BCAR1: variants seen among roughly 807,000 people sequenced by gnomAD.
The protein encoded by BCAR1 is breast cancer anti-estrogen resistance protein 1.
In BCAR1, 30 loss-of-function variants were observed where a neutral mutation model predicts 67.6. That is an observed-to-expected ratio of 0.44 (90% CI 0.33 to 0.60). The LOEUF is 0.60. Ranked by LOEUF, BCAR1 falls within the 20% of genes least tolerant of loss-of-function variation. The pLI is 0.02. For missense variants in BCAR1, 1,313 were observed against 1,222.3 expected, an observed-to-expected ratio of 1.07 and a Z score of -1.11; for synonymous variants, 626 against 556.7, an observed-to-expected ratio of 1.12 and a Z score of -1.75.
intron 1 of BCAR1, among the ~76,000 whole-genome samples, chr16:75,245,727 G>A (rs1439077523): frequency 1.3e-5 from 2 of 152,254 alleles, no homozygotes; most frequent in East Asian, 3.9e-4. Context: ...GTGTGCCCCC[G>A]CCCAGCCTGA....
chr16:75,248,544 C>A (rs2077589155), intron 1 of BCAR1: 1 of 199,828 alleles, frequency 5.0e-6, no homozygotes. Context: ...TTCCCTCCCC[C>A]ATGTCCCCAT....
In BCAR1 at chr16:75,229,526, C is replaced by A; in HGVS notation, c.2598G>T (p.Gln866His). The part of the protein sequence containing the change: ...STQQFRRVLG[Q>H]LAAA Reference sequence around the variant, plus strand: ...GTCACCACCCTCAGGCGGCTGCCAGCTGGCCTAGGACGCGGCGGAACTGCT... The same window carrying A: ...GTCACCACCCTCAGGCGGCTGCCAGATGGCCTAGGACGCGGCGGAACTGCT... The change falls in exon 7 of 7, where the codon CAG becomes CAT. Residue 866 changes from glutamine (Q) to histidine (H), a missense_variant. By Grantham distance (24) the Gln-to-His change is conservative (BLOSUM62 0). Coordinates refer to ENST00000162330, the MANE Select transcript of BCAR1 (RefSeq NM_014567.5). 2 of 1,581,034 alleles carry A rather than the reference C, an allele frequency of 1.3e-6. No homozygotes were observed. Among genetic ancestry groups the A allele is most frequent in the South Asian group, 1.1e-5 (1 of 88,122 alleles).
At chr16:75,237,919 C>T (rs1435538408) in intron 2 of BCAR1, among the ~76,000 whole-genome samples, 1 of 152,174 alleles carries the variant, frequency 6.6e-6, no homozygotes, top group Non-Finnish European at 1.5e-5. Context: ...GCCAGAGGGG[C>T]AGGTTGGGTG....
At chr16:75,264,178 G>A (rs1597292670) in intron 1 of BCAR1, 10 of 1,328,166 alleles carry the variant, frequency 7.5e-6, no homozygotes, top group Non-Finnish European at 9.6e-6. Context: ...AAAGAAGGCT[G>A]CCCAAAGTCC....
At chr16:75,264,274 G>A in intron 1 of BCAR1, 1 of 1,372,634 alleles carries the variant, frequency 7.3e-7, no homozygotes, top group Non-Finnish European at 9.4e-7. Context: ...AATCAAACGG[G>A]GACCTCCCCA....
chr16:75,242,232 C>T (rs1419177930), intron 2 of BCAR1, among the ~76,000 whole-genome samples: 1 of 152,256 alleles, frequency 6.6e-6, no homozygotes, highest in Non-Finnish European at 1.5e-5. Context: ...GGTGACACCA[C>T]CACTCGGGTC....
intron 1 of BCAR1, chr16:75,264,047 TAGG>T: frequency 8.1e-7 from 1 of 1,232,400 alleles, no homozygotes; most frequent in Non-Finnish European, 1.0e-6. Flanking sequence ...AGGGAGAGGG[TAGG>T]AGATGACTCA....
intron 6 of BCAR1, among the ~76,000 whole-genome samples, chr16:75,232,835 G>A (rs558331447): frequency 3.9e-5 from 6 of 152,282 alleles, no homozygotes; most frequent in South Asian, 2.1e-4. Context: ...GCTGTGTGTC[G>A]TGGGTCTCAG....
chr16:75,237,279 C>G lies in BCAR1; in HGVS notation c.699G>C (p.Glu233Asp), dbSNP rs771415463. 2.0e-6 allele frequency: 3 copies of G among 1,519,760 alleles called. No homozygotes were observed. The highest frequency in any genetic ancestry group is 2.4e-5 in the Admixed American group (1 of 42,506). 94.1% of individuals were successfully genotyped at this position (1,519,760 alleles called of 1,614,324 possible). ...CCAGCAGGTGTCGCGGGATGTCGTA[C>G]TCGTCCTGCTCCGGCTGGGCGGCCT... ...VYEAAQPEQD[E>D]YDIPRHLLAP... The change falls in exon 3 of 7, where the codon GAG (glutamate) becomes GAC (aspartate). Residue 233 changes from glutamate (E) to aspartate (D), a missense_variant. Glu to Asp is a conservative substitution (Grantham distance 45). Transcript: ENST00000162330.
rs1033740723 is a variant in BCAR1, at chr16:75,251,572, AGCCGCCCCGGTGCCGCCGCGCAGCT to A, written c.-115_-91del. On this transcript the variant is annotated 5_prime_UTR_variant, in exon 1 of 7. Transcript: ENST00000162330. ...GCCCTCGGGGCTCCGAGCGCGCCGC[AGCCGCCCCGGTGCCGCCGCGCAGCT>A]GCCGCCTCGGCCACCCAGAGCCGGT... 1.8e-6 allele frequency: 2 copies of A among 1,090,896 alleles called. No homozygotes were observed. The highest frequency in any genetic ancestry group is 3.4e-5 in the African/African-American group (2 of 59,354). 67.6% of individuals were successfully genotyped at this position (1,090,896 alleles called of 1,614,324 possible). A position where few individuals can be genotyped will look rare whatever the true frequency, so the allele number is the denominator to read the frequency against.
At position 75,236,951 on chromosome 16, in the gene BCAR1, G is replaced by T. The variant is rs2077161016; in HGVS notation, c.843C>A (p.Asp281Glu). ...GCACGTCATACACCTCCAGCAACGGGTCTCGGCCATTGGGACCCTTGACAG... is the reference window on the plus strand; with the variant it reads ...GCACGTCATACACCTCCAGCAACGGTTCTCGGCCATTGGGACCCTTGACAG... Reference protein sequence around the residue: ...PMAVKGPNGRDPLLEVYDVPP... With the variant: ...PMAVKGPNGREPLLEVYDVPP... Residue 281 changes from aspartate to glutamate, a missense_variant, in exon 4 of 7, where the codon GAC becomes GAA. Transcript: ENST00000162330. The T allele has an allele frequency of 6.2e-7, 1 of 1,611,968 alleles. No individual in the cohort carries two copies.
At chr16:75,238,645 T>C (rs904820254) in intron 2 of BCAR1, 340 of 986,092 alleles carry the variant, frequency 3.4e-4, no homozygotes, top group Non-Finnish European at 3.9e-4. Flanking sequence ...GCACGCCTGG[T>C]AGCAGAGTCC....
chr16:75,240,217 G>T (rs2077291298), intron 2 of BCAR1, among the ~76,000 whole-genome samples: 2 of 152,164 alleles, frequency 1.3e-5, no homozygotes, highest in African/African-American at 4.8e-5. Context: ...CCCACGTGAA[G>T]TCCTGGCAAG....
chr16:75,237,473 A>G, intron 2 of BCAR1, 129 bp from the exon 3 acceptor site: 2 of 1,178,512 alleles, frequency 1.7e-6, no homozygotes, highest in South Asian at 2.0e-5. Context: ...GGGGCTCCCC[A>G]AGGATGCCAG....
At chr16:75,243,128 G>A in intron 1 of BCAR1, 38 bp from the exon 2 acceptor site, 3 of 1,543,796 alleles carry the variant, frequency 1.9e-6, no homozygotes, top group Non-Finnish European at 2.6e-6. Flanking sequence ...ACAGAAGGAT[G>A]TGCATGGGGC....
upstream of BCAR1, chr16:75,256,127 C>T (rs962371566): frequency 5.9e-5 from 9 of 152,510 alleles, no homozygotes; most frequent in African/African-American, 1.9e-4. Context: ...GGGACCAGGA[C>T]GGAACGACGG....
At chr16:75,251,318 C>T (rs1231800195) in intron 1 of BCAR1, among the ~76,000 whole-genome samples, 153 bp downstream of exon 1, 2 of 152,050 alleles carry the variant, frequency 1.3e-5, no homozygotes, top group African/African-American at 2.4e-5. Context: ...CCCGGCTTCC[C>T]GGCCAGGGCA....
At chr16:75,260,281 G>C (rs1017209926) in intron 1 of BCAR1, among the ~76,000 whole-genome samples, 2 of 152,180 alleles carry the variant, frequency 1.3e-5, no homozygotes, top group Non-Finnish European at 2.9e-5. Flanking sequence ...ACTTAAGCCA[G>C]GGTGATAGAG....
chr16:75,257,509 C>T (rs750850732), intron 1 of BCAR1, among the ~76,000 whole-genome samples: 6 of 152,160 alleles, frequency 3.9e-5, no homozygotes, highest in Non-Finnish European at 5.9e-5. Context: ...GGCTGGAGTG[C>T]AGTGGCACAG....
Sources: gnomAD v4.1 joint callset for allele counts (sites outside exome capture counted in the v4.1 genomes callset) on GRCh38, gnomAD v4.1.1 for gene constraint, MANE v1.5 for transcripts, NCBI Gene and HGNC (gene_info 2026-07-23, HGNC 2026-07-21) for gene names.